KRIT1: variants seen among roughly 807,000 people sequenced by gnomAD.
The protein encoded by KRIT1 is KRIT1 ankyrin repeat containing, also known as krev interaction trapped protein 1.
KRIT1 carries 45 observed loss-of-function variants against 95.8 expected under a neutral mutation model. The observed-to-expected ratio is 0.47, with a 90% CI of 0.37 to 0.60. KRIT1 has a LOEUF of 0.60. KRIT1 is among the 20% of genes least tolerant of loss of function. The probability of loss-of-function intolerance (pLI) is 0.00; values close to 1 mark genes in which losing one functional copy is unlikely to be tolerated. For missense variants in KRIT1, 788 were observed against 877.5 expected (o/e 0.90, Z 1.29); for synonymous variants, 282 against 278.8 (o/e 1.01, Z -0.11).
At chr7:92,220,273 A>G (rs1172407773) in intron 14 of KRIT1, among the ~76,000 whole-genome samples, 1 of 152,142 alleles carries the variant, frequency 6.6e-6, no homozygotes, top group Non-Finnish European at 1.5e-5. Context: ...TTCTGCATCA[A>G]TTAAGATGAT....
chr7:92,234,543 C>A lies in KRIT1; in HGVS notation c.895G>T (p.Gly299Ter). 1 of 1,613,220 alleles carries A rather than the reference C, an allele frequency of 6.2e-7. No individual in the cohort carries two copies. ...AGACGGCTTAGTAATTCTGAATCTC[C>A]TTCACAGGCGCTTCGGTGGAGAGGA... is the stretch of plus-strand genomic sequence containing the variant. ...DFPLHRSACE[G>*]DSELLSRLLS... The change falls in exon 10 of 19, where the codon GGA (glycine) becomes TGA (stop). Residue 299 changes from glycine to a stop codon, truncating the protein, a stop_gained. Coordinates refer to ENST00000394505, the MANE Select transcript of KRIT1 (RefSeq NM_194454.3). LOFTEE classifies it high-confidence loss of function.
chr7:92,236,289 C>A, intron 7 of KRIT1, 124 bp downstream of exon 7: 1 of 680,144 alleles, frequency 1.5e-6, no homozygotes, highest in South Asian at 1.9e-5. Flanking sequence ...AAAAACTTAC[C>A]ATTTTTTAAT....
chr7:92,220,174 C>A (rs937552618), intron 14 of KRIT1, among the ~76,000 whole-genome samples: 1 of 152,020 alleles, frequency 6.6e-6, no homozygotes, highest in Non-Finnish European at 1.5e-5. Context: ...TCATGAACAC[C>A]CTTTATCATG....
At chr7:92,214,221 A>G (rs1793468250) in intron 15 of KRIT1, among the ~76,000 whole-genome samples, 1 of 152,130 alleles carries the variant, frequency 6.6e-6, no homozygotes, top group African/African-American at 2.4e-5. Flanking sequence ...AAACCACAAT[A>G]ACCAAATTCA....
chr7:92,240,572 C>A (rs576684334), intron 5 of KRIT1, among the ~76,000 whole-genome samples: 31 of 152,268 alleles, frequency 2.0e-4, no homozygotes, highest in Admixed American at 1.7e-3. Context: ...TTCAGTTTGA[C>A]TTTCTGAAAA....
At chr7:92,204,112 T>G (rs916299906) in intron 17 of KRIT1, 1 of 151,438 alleles carries the variant, frequency 6.6e-6, no homozygotes, top group Non-Finnish European at 1.5e-5. Context: ...AATAAAAAAA[T>G]TAGCTGGGTG....
In KRIT1 at chr7:92,222,953, A is replaced by C; in HGVS notation, c.1280T>G (p.Met427Arg). Residue 427 changes from methionine to arginine, a missense_variant, in exon 13 of 19, where the codon ATG becomes AGG. Physicochemically the swap from Met to Arg is moderately conservative, Grantham distance 91. This residue lies in a region of KRIT1 where 493 missense variants were observed against 582.3 expected (regional missense o/e 0.85). Coordinates refer to ENST00000394505, the MANE Select transcript of KRIT1 (RefSeq NM_194454.3). ...KPYEKVRIYR[M>R]DGSYRSVELK... The stretch of plus-strand genomic sequence containing the variant: ...TTCAACAGAACGATATGACCCATCC[A>C]TTCTGTATATTCGAACTTTTTCATA... The C allele has an allele frequency of 1.2e-6, 2 of 1,610,244 alleles. No homozygotes were observed. Among genetic ancestry groups the C allele is most frequent in the Non-Finnish European group, 1.7e-6 (2 of 1,176,816 alleles).
intron 10 of KRIT1, among the ~76,000 whole-genome samples, chr7:92,233,761 T>C (rs904672189): frequency 1.3e-5 from 2 of 152,190 alleles, no homozygotes; most frequent in Non-Finnish European, 2.9e-5. Flanking sequence ...AAGAGCAACT[T>C]TCCCACAGAA....
At chr7:92,223,397 TGC>T (rs1446677103) in intron 12 of KRIT1, among the ~76,000 whole-genome samples, 1 of 148,028 alleles carries the variant, frequency 6.8e-6, no homozygotes, top group African/African-American at 2.5e-5. Flanking sequence ...GAGCTGAGAT[TGC>T]GCGACTGCAC....
chr7:92,213,231 A>G lies in KRIT1; in HGVS notation c.1989T>C (p.Asn663=), dbSNP rs758948765. ...HKVIPVYVGV[N]IKGLHLLNME... The stretch of plus-strand genomic sequence containing the variant: ...TGTTGAGGAGATGAAGTCCTTTTAT[A>G]TTCACTCCTACATACACAGGGATGA... The change falls in exon 17 of 19, where the codon AAT becomes AAC. Residue 663 remains asparagine (N), a synonymous_variant. Coordinates refer to ENST00000394505, the MANE Select transcript of KRIT1 (RefSeq NM_194454.3). 35 of 1,613,130 alleles carry G rather than the reference A, an allele frequency of 2.2e-5. No individual in the cohort carries two copies. In the South Asian group the frequency reaches 3.4e-4, roughly 16 times the overall value.
At chr7:92,225,346 C>T (rs898045188) in intron 12 of KRIT1, among the ~76,000 whole-genome samples, 40 of 152,114 alleles carry the variant, frequency 2.6e-4, no homozygotes, top group African/African-American at 8.5e-4. Flanking sequence ...CTTGCTCCGT[C>T]GCCAAGGCTG....
In KRIT1 at chr7:92,241,132, G is replaced by C. The variant is rs749661495; in HGVS notation, c.123C>G (p.Pro41=). The C allele has an allele frequency of 1.2e-6, 2 of 1,609,640 alleles. No individual in the cohort carries two copies. Among genetic ancestry groups the C allele is most frequent in the Non-Finnish European group, 1.7e-6 (2 of 1,176,388 alleles). The part of the protein sequence containing the change: ...KSYEILLHEV[P]IEGQKKKRKK... ...TTCTCTTTTTTTTCTGTCCTTCAAT[G>C]GGAACTTCATGCAACAAAATCTTAG... The change falls in exon 5 of 19, where the codon CCC becomes CCG. Residue 41 remains proline (P), a synonymous_variant. Coordinates refer to ENST00000394505, the MANE Select transcript of KRIT1 (RefSeq NM_194454.3).
chr7:92,225,688 T>C (rs1254467275), intron 12 of KRIT1, 32 bp downstream of exon 12: 3 of 1,116,652 alleles, frequency 2.7e-6, no homozygotes, highest in South Asian at 2.5e-5. Flanking sequence ...TTAAATACTA[T>C]GCCTGGCTCT....
At chr7:92,229,906 A>G (rs1274677906) in intron 10 of KRIT1, among the ~76,000 whole-genome samples, 1 of 152,196 alleles carries the variant, frequency 6.6e-6, no homozygotes, top group Non-Finnish European at 1.5e-5. Context: ...GGGAAGGCAA[A>G]GGCTTAGAGT....
intron 17 of KRIT1, among the ~76,000 whole-genome samples, chr7:92,209,828 C>T (rs781030457): frequency 4.0e-5 from 6 of 151,820 alleles, no homozygotes; most frequent in Non-Finnish European, 8.8e-5. Context: ...TCTGGGAGGC[C>T]GAGGTGGGTG....
At chr7:92,206,828 T>C (rs1325979985) in intron 17 of KRIT1, 2 of 149,902 alleles carry the variant, frequency 1.3e-5, no homozygotes, top group African/African-American at 2.5e-5. Context: ...AATCCTGGAA[T>C]GGAAGAACTC....
chr7:92,213,045 A>G (rs1490878873), intron 17 of KRIT1, 150 bp downstream of exon 17: 3 of 614,644 alleles, frequency 4.9e-6, no homozygotes, highest in Non-Finnish European at 8.7e-6. Context: ...CCTTACTGAC[A>G]GTGATTTAGT....
intron 10 of KRIT1, among the ~76,000 whole-genome samples, chr7:92,228,082 T>G (rs1344323472): frequency 6.6e-6 from 1 of 152,066 alleles, no homozygotes; most frequent in Non-Finnish European, 1.5e-5. Flanking sequence ...CTCTAACTCC[T>G]GGGCTCAAAT....
chr7:92,221,916 C>G lies in KRIT1; in HGVS notation c.1549G>C (p.Glu517Gln). 2 of 1,613,746 alleles carry G rather than the reference C, an allele frequency of 1.2e-6. No homozygotes were observed. Among genetic ancestry groups the G allele is most frequent in the African/African-American group, 1.3e-5 (1 of 75,036 alleles). The change falls in exon 14 of 19, where the codon GAA becomes CAA. Residue 517 changes from glutamate (E) to glutamine (Q), a missense_variant. Coordinates refer to ENST00000394505, the MANE Select transcript of KRIT1 (RefSeq NM_194454.3). ...FLRRDVRLPL[E>Q]VEKQIEDPLA... ...TCCAAGCAAACCTGTTTTTCAACTTCCAAGGGAAGTCTCACATCTCTTCTT... is the reference window on the plus strand; with the variant it reads ...TCCAAGCAAACCTGTTTTTCAACTTGCAAGGGAAGTCTCACATCTCTTCTT...
Sources: gnomAD v4.1 joint callset for allele counts (sites outside exome capture counted in the v4.1 genomes callset) on GRCh38, gnomAD v4.1.1 for gene constraint, gnomAD v4.1.1 regional missense constraint, MANE v1.5 for transcripts, NCBI Gene and HGNC (gene_info 2026-07-23, HGNC 2026-07-21) for gene names.